The following CSMD3 variants were observed in gnomAD, a reference collection of about 807,000 sequenced individuals.
CSMD3 encodes CUB and sushi domain-containing protein 3.
A neutral mutation model predicts 435.2 loss-of-function variants in CSMD3; 177 were observed. That is an observed-to-expected ratio of 0.41 (90% CI 0.36 to 0.46). The LOEUF is 0.46. Ranked by LOEUF, CSMD3 falls within the 20% of genes least tolerant of loss-of-function variation. The pLI is 0.34. For synonymous variants in CSMD3, 1,656 were observed against 1,520.5 expected, an observed-to-expected ratio of 1.09 and a Z score of -2.07; for missense variants, 4,265 against 4,504.6, an observed-to-expected ratio of 0.95 and a Z score of 1.52.
At chr8:112,657,061 C>CT (rs11387284) in intron 17 of CSMD3, among the ~76,000 whole-genome samples, 23,095 of 131,582 alleles carry the variant, frequency 0.18, 2,022 homozygotes, top group Middle Eastern at 0.38. Flanking sequence ...TTTCTTTTTA[C>CT]TTTTTTTTTT....
chr8:112,951,942 TCA>T (rs1343694802), intron 8 of CSMD3, among the ~76,000 whole-genome samples: 1 of 151,692 alleles, frequency 6.6e-6, no homozygotes, highest in Non-Finnish European at 1.5e-5. Flanking sequence ...TATGGCAGGC[TCA>T]CAGTTTCCTC....
chr8:112,847,142 T>C (rs2080346412), intron 11 of CSMD3, among the ~76,000 whole-genome samples: 1 of 152,142 alleles, frequency 6.6e-6, no homozygotes, highest in Non-Finnish European at 1.5e-5. Context: ...GGTTTGGTCT[T>C]GTTAGTGCCT....
In CSMD3 at chr8:112,650,342, T is replaced by C. The variant is rs112989609; in HGVS notation, c.3012A>G (p.Thr1004=). The C allele has an allele frequency of 3.1e-6, 5 of 1,612,946 alleles. No individual in the cohort carries two copies. In the African/African-American group the frequency reaches 5.3e-5, roughly 17 times the overall value. The change falls in exon 19 of 71, where the codon ACA becomes ACG. Residue 1004 remains threonine, a synonymous_variant. Transcript: ENST00000297405. ...GGTCCAAACAAGAATACGTGTTCAC[T>C]GTAACACCTGGAAAACAAAGGGAAG... ...NGFKIHYESV[T]VNTYSCLDPG... is the part of the protein sequence containing the mutation.
At chr8:113,149,179 G>A (rs184663407) in intron 4 of CSMD3, among the ~76,000 whole-genome samples, 1 of 151,758 alleles carries the variant, frequency 6.6e-6, no homozygotes, top group East Asian at 1.9e-4. Flanking sequence ...TCTTAAAGGG[G>A]CATTTTATAT....
At chr8:112,498,690 C>A (rs574333687) in intron 30 of CSMD3, among the ~76,000 whole-genome samples, 1 of 152,198 alleles carries the variant, frequency 6.6e-6, no homozygotes, top group East Asian at 1.9e-4. Flanking sequence ...TTTATCTCTA[C>A]AGATTTGTTA....
At chr8:112,599,249 C>G (rs1832076912) in intron 22 of CSMD3, among the ~76,000 whole-genome samples, 1 of 150,918 alleles carries the variant, frequency 6.6e-6, no homozygotes, top group Admixed American at 6.6e-5. Flanking sequence ...ATTTATGCAG[C>G]CAAAAAACAC....
At chr8:112,747,213 T>TGTTG (rs2077450817) in intron 13 of CSMD3, among the ~76,000 whole-genome samples, 1 of 134,340 alleles carries the variant, frequency 7.4e-6, no homozygotes, top group Non-Finnish European at 1.6e-5. Flanking sequence ...TTTTTTTTTT[T>TGTTG]TTTTTTTGGT....
At chr8:113,394,176 A>C (rs1403406187) in intron 1 of CSMD3, among the ~76,000 whole-genome samples, 1 of 151,644 alleles carries the variant, frequency 6.6e-6, no homozygotes, top group East Asian at 1.9e-4. Flanking sequence ...ACACACACAC[A>C]CACACACACA....
chr8:112,588,951 T>C (rs183410515), intron 22 of CSMD3, among the ~76,000 whole-genome samples: 40 of 152,274 alleles, frequency 2.6e-4, no homozygotes, highest in East Asian at 5.8e-4. Flanking sequence ...TGAAGACAAA[T>C]GTAATCTGGA....
chr8:113,116,714 G>A (rs1307391739), intron 4 of CSMD3, among the ~76,000 whole-genome samples: 1 of 152,174 alleles, frequency 6.6e-6, no homozygotes. Context: ...ACAGGAAGAT[G>A]TTGGAAAGTT....
rs1554623016 is a variant in CSMD3 at position 112,270,361 on chromosome 8, T to TGTGTGTGTGTGTGTGTGTGTTAGGGGTGA, written c.9509-4772_9509-4771insTCACCCCTAACACACACACACACACACAC. Among the ~76,000 whole-genome samples, 759 of 135,638 alleles carry TGTGTGTGTGTGTGTGTGTGTTAGGGGTGA rather than the reference T, an allele frequency of 5.6e-3. 6 individuals are homozygous for TGTGTGTGTGTGTGTGTGTGTTAGGGGTGA. The highest frequency in any genetic ancestry group is 0.015 in the South Asian group (70 of 4,572). The allele number at this position is 135,638 out of a possible 152,430, so 89.0% of individuals were successfully genotyped here. A position where few individuals can be genotyped will look rare whatever the true frequency, so the allele number is the denominator to read the frequency against. ...AGGGGTGAGTGTGTGTGTGTGTGTG[T>TGTGTGTGTGTGTGTGTGTGTTAGGGGTGA]GTGTGTGTGTGTGTGTGTGTGTGTG... On this transcript the variant is annotated intron_variant, in intron 59 of 70. Transcript: ENST00000297405.
At chr8:112,817,410 T>C (rs936397109) in intron 12 of CSMD3, among the ~76,000 whole-genome samples, 2 of 149,974 alleles carry the variant, frequency 1.3e-5, no homozygotes, top group Non-Finnish European at 3.0e-5. Flanking sequence ...GATGAATTTA[T>C]ACGTAAGTGT....
chr8:113,183,584 C>G (rs1388919621), intron 3 of CSMD3, among the ~76,000 whole-genome samples: 1 of 151,932 alleles, frequency 6.6e-6, no homozygotes, highest in Non-Finnish European at 1.5e-5. Context: ...TTCTGATAAA[C>G]CTTCTTATCC....
At chr8:112,897,389 C>T (rs750708782) in intron 10 of CSMD3, among the ~76,000 whole-genome samples, 1 of 151,230 alleles carries the variant, frequency 6.6e-6, no homozygotes, top group Non-Finnish European at 1.5e-5. Context: ...ACATTTTATT[C>T]ATCATTATAG....
At chr8:112,922,958 G>A (rs1025952247) in intron 9 of CSMD3, among the ~76,000 whole-genome samples, 3 of 151,986 alleles carry the variant, frequency 2.0e-5, no homozygotes, top group East Asian at 1.9e-4. Flanking sequence ...CTCAATAAAC[G>A]AAAACTCCAT....
intron 3 of CSMD3, among the ~76,000 whole-genome samples, chr8:113,242,508 A>G (rs895052466): frequency 6.6e-6 from 1 of 152,006 alleles, no homozygotes; most frequent in African/African-American, 2.4e-5. Context: ...ATCATATATT[A>G]TTGCTAACCC....
At chr8:112,942,463 A>G (rs919167814) in intron 9 of CSMD3, among the ~76,000 whole-genome samples, 1 of 151,888 alleles carries the variant, frequency 6.6e-6, no homozygotes, top group Non-Finnish European at 1.5e-5. Context: ...GAATCAACCA[A>G]AATGATCATT....
intron 22 of CSMD3, among the ~76,000 whole-genome samples, chr8:112,626,587 T>A (rs748430489): frequency 6.6e-6 from 1 of 152,174 alleles, no homozygotes; most frequent in Non-Finnish European, 1.5e-5. Flanking sequence ...TCTATTTACC[T>A]AATATGATAA....
At chr8:112,682,673 A>G in intron 15 of CSMD3, 37 bp from the exon 16 acceptor site, 1 of 1,340,688 alleles carries the variant, frequency 7.5e-7, no homozygotes, top group Non-Finnish European at 1.1e-6. Flanking sequence ...ACACAAACAA[A>G]CAACATTAGC....
Sources: allele counts gnomAD v4.1 joint callset (sites outside exome capture counted in the v4.1 genomes callset), GRCh38; gene constraint gnomAD v4.1.1; transcripts MANE v1.5; gene names NCBI Gene and HGNC (gene_info 2026-07-23, HGNC 2026-07-21).